Variants in KCNH5 observed in about 807,000 individuals in gnomAD.
KCNH5 encodes the protein voltage-gated delayed rectifier potassium channel KCNH5.
A neutral mutation model predicts 96.1 loss-of-function variants in KCNH5; 46 were observed. The ratio of observed to expected loss-of-function variants is 0.48; its 90% CI spans 0.38 to 0.61. The LOEUF is 0.61. Ranked by LOEUF, KCNH5 falls within the 20% of genes least tolerant of loss-of-function variation. The pLI is 0.00. For synonymous variants in KCNH5, 439 were observed against 449.8 expected (o/e 0.98, Z 0.30); for missense variants, 907 against 1,225.8 (o/e 0.74, Z 3.88).
At chr14:62,899,024 T>A (rs2140091414) in intron 7 of KCNH5, among the ~76,000 whole-genome samples, 1 of 152,184 alleles carries the variant, frequency 6.6e-6, no homozygotes, top group South Asian at 2.1e-4. Context: ...CAAAAGTAAT[T>A]GGAGATTTTA....
At chr14:62,744,789 G>GA (rs1885341771) in intron 10 of KCNH5, among the ~76,000 whole-genome samples, 1 of 152,134 alleles carries the variant, frequency 6.6e-6, no homozygotes, top group Non-Finnish European at 1.5e-5. Context: ...AGGGTTCTGG[G>GA]AAAACCTCTT....
chr14:62,884,607 G>A (rs557295050), intron 7 of KCNH5, among the ~76,000 whole-genome samples: 22 of 152,186 alleles, frequency 1.4e-4, no homozygotes, highest in Admixed American at 1.4e-3. Context: ...GCCTGGGCGA[G>A]AGAATAAGAC....
At chr14:62,745,309 T>C (rs1212374444) in intron 10 of KCNH5, among the ~76,000 whole-genome samples, 1 of 152,164 alleles carries the variant, frequency 6.6e-6, no homozygotes, top group Non-Finnish European at 1.5e-5. Context: ...GTGGCAGCCA[T>C]GTCAATTCCA....
chr14:62,837,347 T>C (rs1187670807), intron 8 of KCNH5, among the ~76,000 whole-genome samples: 1 of 152,202 alleles, frequency 6.6e-6, no homozygotes, highest in Non-Finnish European at 1.5e-5. Flanking sequence ...TTAATGGACA[T>C]TTACTATTAA....
At position 62,778,076 on chromosome 14, in the gene KCNH5, T is replaced by C. The variant is rs371493598; in HGVS notation, c.2019+1652A>G. ...ATTATAAACATCAAGTCCTGAGGAA[T>C]GTACGGATGTTGGATAGGAGTTTTC... On this transcript the variant is annotated intron_variant, in intron 10 of 10. Coordinates refer to ENST00000322893, the MANE Select transcript of KCNH5 (RefSeq NM_139318.5). Among the ~76,000 whole-genome samples, 97 of 152,294 alleles carry C rather than the reference T, an allele frequency of 6.4e-4. 2 individuals are homozygous for C. The South Asian group carries it at 0.019, about 29-fold the overall frequency.
intron 7 of KCNH5, among the ~76,000 whole-genome samples, chr14:62,878,593 T>C (rs1251250769): frequency 6.6e-6 from 1 of 152,102 alleles, no homozygotes; most frequent in African/African-American, 2.4e-5. Context: ...ATACAAAATA[T>C]ATAAAGAATA....
At chr14:62,933,631 T>C (rs1192350485) in intron 7 of KCNH5, among the ~76,000 whole-genome samples, 2 of 152,018 alleles carry the variant, frequency 1.3e-5, no homozygotes, top group East Asian at 1.9e-4. Context: ...AACAAAAAGA[T>C]AAATGCCACC....
intron 8 of KCNH5, among the ~76,000 whole-genome samples, chr14:62,842,517 A>T (rs923015155): frequency 1.3e-5 from 2 of 152,250 alleles, no homozygotes. Context: ...TGGAAAAATT[A>T]TAGTTTTCAT....
chr14:62,891,951 T>G (rs1463127276), intron 7 of KCNH5, among the ~76,000 whole-genome samples: 2 of 152,174 alleles, frequency 1.3e-5, no homozygotes, highest in African/African-American at 4.8e-5. Context: ...CTTCCCCTAC[T>G]TGGGTCTCCC....
At chr14:62,928,942 C>T (rs6573466) in intron 7 of KCNH5, among the ~76,000 whole-genome samples, 86,437 of 151,808 alleles carry the variant, frequency 0.57, 25,323 homozygotes, top group South Asian at 0.69. Flanking sequence ...ATATCAGCTC[C>T]GTATCAACAA....
At chr14:62,970,191 T>C (rs1157521392) in intron 6 of KCNH5, among the ~76,000 whole-genome samples, 3 of 151,408 alleles carry the variant, frequency 2.0e-5, no homozygotes, top group Non-Finnish European at 4.4e-5. Context: ...AAAGGGATAA[T>C]TAAGAAATGC....
At chr14:62,786,337 C>G (rs1179230197) in intron 9 of KCNH5, among the ~76,000 whole-genome samples, 1 of 152,206 alleles carries the variant, frequency 6.6e-6, no homozygotes, top group Admixed American at 6.5e-5. Flanking sequence ...GATAGTGGCT[C>G]TATTTGAAGA....
At chr14:62,802,976 T>C (rs138096091) in intron 8 of KCNH5, among the ~76,000 whole-genome samples, 1,914 of 152,146 alleles carry the variant, frequency 0.013, 47 homozygotes, top group African/African-American at 0.044. Context: ...ACCCTGTCTC[T>C]ACTAAAAAGA....
intron 6 of KCNH5, among the ~76,000 whole-genome samples, chr14:62,980,206 T>G (rs1289565462): frequency 6.6e-6 from 1 of 152,214 alleles, no homozygotes; most frequent in East Asian, 1.9e-4. Flanking sequence ...GTTTATAAAT[T>G]ACCCAGTCTC....
At chr14:62,838,086 T>G (rs1272406331) in intron 8 of KCNH5, among the ~76,000 whole-genome samples, 1 of 152,200 alleles carries the variant, frequency 6.6e-6, no homozygotes. Context: ...GACTTCTTCC[T>G]TGGCACCAAA....
At chr14:62,842,732 T>C (rs2140038640) in intron 8 of KCNH5, among the ~76,000 whole-genome samples, 1 of 152,264 alleles carries the variant, frequency 6.6e-6, no homozygotes, top group South Asian at 2.1e-4. Context: ...TTTTTTAAGG[T>C]AGTATATGTT....
At chr14:62,834,303 T>C (rs1393216839) in intron 8 of KCNH5, among the ~76,000 whole-genome samples, 1 of 151,994 alleles carries the variant, frequency 6.6e-6, no homozygotes, top group African/African-American at 2.4e-5. Context: ...TATTAATGGC[T>C]CCAAATTTAT....
chr14:62,946,442 A>G (rs974735461), intron 7 of KCNH5, among the ~76,000 whole-genome samples: 1 of 152,100 alleles, frequency 6.6e-6, no homozygotes, highest in Non-Finnish European at 1.5e-5. Flanking sequence ...CTTATCCCAG[A>G]GAACTAAGAA....
At chr14:62,758,727 CACA>C (rs1566651171) in intron 10 of KCNH5, among the ~76,000 whole-genome samples, 1 of 152,130 alleles carries the variant, frequency 6.6e-6, no homozygotes, top group African/African-American at 2.4e-5. Flanking sequence ...ATCTGTTCAG[CACA>C]ACATGACCCT....
Sources: allele counts gnomAD v4.1 joint callset (sites outside exome capture counted in the v4.1 genomes callset), GRCh38; gene constraint gnomAD v4.1.1; transcripts MANE v1.5; gene names NCBI Gene and HGNC (gene_info 2026-07-23, HGNC 2026-07-21).